UBR2: variants seen among roughly 807,000 people sequenced by gnomAD.
The protein encoded by UBR2 is E3 ubiquitin-protein ligase UBR2.
In UBR2, 92 loss-of-function variants were observed where a neutral mutation model predicts 247.9. That is an observed-to-expected ratio of 0.37 (90% CI 0.31 to 0.44). The LOEUF (loss-of-function observed/expected upper bound fraction) is 0.44, where lower values mean the gene tolerates loss of function less well. UBR2 is among the 20% of genes least tolerant of loss of function. UBR2 has a pLI of 1.00. For synonymous variants in UBR2, 672 were observed against 693.5 expected (o/e 0.97, Z 0.49); for missense variants, 1,613 against 2,112.6 (o/e 0.76, Z 4.64).
chr6:42,658,501 C>T (rs1279995247), intron 28 of UBR2, 145 bp from the exon 29 acceptor site: 5 of 1,093,410 alleles, frequency 4.6e-6, no homozygotes, highest in Non-Finnish European at 6.3e-6. Context: ...TAAAACAAGT[C>T]AGTTTAAGAG....
At chr6:42,682,118 T>A (rs556687124) in intron 42 of UBR2, among the ~76,000 whole-genome samples, 21 of 152,250 alleles carry the variant, frequency 1.4e-4, no homozygotes, top group African/African-American at 5.1e-4. Context: ...ACAACGTGGA[T>A]GAACCTTGAG....
intron 21 of UBR2, among the ~76,000 whole-genome samples, chr6:42,647,683 T>C (rs890675079): frequency 5.9e-5 from 9 of 152,276 alleles, no homozygotes; most frequent in Middle Eastern, 3.4e-3. Flanking sequence ...TAATATCTTA[T>C]CGTGAATGAG....
chr6:42,615,921 A>C (rs973657450), intron 9 of UBR2, 81 bp from the exon 10 acceptor site: 18 of 1,075,074 alleles, frequency 1.7e-5, no homozygotes, highest in Middle Eastern at 2.1e-4. Context: ...AACAAAAAAA[A>C]CCCACTGTGG....
intron 7 of UBR2, among the ~76,000 whole-genome samples, chr6:42,611,883 G>A (rs1420931788): frequency 6.7e-6 from 1 of 150,170 alleles, no homozygotes; most frequent in Non-Finnish European, 1.5e-5. Context: ...CTCCAGCCTG[G>A]GTGACAGAGC....
chr6:42,678,839 C>T (rs1040695637), intron 41 of UBR2, among the ~76,000 whole-genome samples, 170 bp downstream of exon 41: 6 of 152,114 alleles, frequency 3.9e-5, no homozygotes, highest in African/African-American at 1.4e-4. Flanking sequence ...CATATGTCTC[C>T]ATTTATTTGG....
Position 42,676,773 on chromosome 6 carries a change from T to C in UBR2, c.4388-10T>C. On this transcript the variant is annotated splice_polypyrimidine_tract_variant and intron_variant, in intron 39 of 46. Transcript: ENST00000372901. ...AAAATACAGAGTACTAGTATTTCCT[T>C]ATCTTTCAGAAGAGAATGGCATGGA... is the stretch of plus-strand genomic sequence containing the variant. 6.2e-7 allele frequency: 1 copy of C among 1,610,326 alleles called. No homozygotes were observed. The highest frequency in any genetic ancestry group is 8.5e-7 in the Non-Finnish European group (1 of 1,176,740).
chr6:42,646,578 T>A (rs1181513619), intron 21 of UBR2, among the ~76,000 whole-genome samples: 2 of 152,086 alleles, frequency 1.3e-5, no homozygotes, highest in Non-Finnish European at 2.9e-5. Context: ...GGGACATCTG[T>A]GAATGTTACT....
At chr6:42,675,397 G>A (rs1462369296) in intron 38 of UBR2, among the ~76,000 whole-genome samples, 1 of 152,144 alleles carries the variant, frequency 6.6e-6, no homozygotes, top group African/African-American at 2.4e-5. Flanking sequence ...GAGGAGGTAG[G>A]ATTCATATCT....
intron 7 of UBR2, among the ~76,000 whole-genome samples, chr6:42,610,186 A>C (rs1235711462): frequency 6.6e-6 from 1 of 152,124 alleles, no homozygotes; most frequent in African/African-American, 2.4e-5. Flanking sequence ...TAAGGGAAAA[A>C]AAGTGTTGGC....
intron 36 of UBR2, 46 bp from the exon 37 acceptor site, chr6:42,673,738 AAGAGAAC>A: frequency 1.5e-6 from 2 of 1,371,832 alleles, no homozygotes. Flanking sequence ...GCATTCCTGA[AAGAGAAC>A]TGCTTTGCAT....
chr6:42,618,972 A>T (rs1808993770), intron 11 of UBR2, among the ~76,000 whole-genome samples: 3 of 152,140 alleles, frequency 2.0e-5, no homozygotes, highest in African/African-American at 7.2e-5. Context: ...AGGGAAAGTG[A>T]TGCTTTTAGT....
Position 42,617,643 on chromosome 6 carries a change from C to G in UBR2, c.1281+136C>G, listed in dbSNP as rs369896905. On this transcript the variant is annotated intron_variant, in intron 11 of 46. Transcript: ENST00000372901. ...GGTAATCAGACTTCAAACACCTTCA[C>G]TATTCTTTTACTAGAATATAACCTT... The G allele has an allele frequency of 3.9e-6, 3 of 766,644 alleles. No homozygotes were observed. The East Asian group carries it at 8.2e-5, about 21-fold the overall frequency. 47.5% of individuals were successfully genotyped at this position (766,644 alleles called of 1,614,324 possible). A position where few individuals can be genotyped will look rare whatever the true frequency, so the allele number is the denominator to read the frequency against.
chr6:42,690,434 C>A lies in UBR2; in HGVS notation c.5127-598C>A, dbSNP rs559824595. ...TAGTGAGTGAGAGGATGGCTGTGCT[C>A]AGAAACAGGAGCAGAGGTGCCTGGC... On this transcript the variant is annotated intron_variant, in intron 46 of 46. Coordinates refer to ENST00000372901, the MANE Select transcript of UBR2 (RefSeq NM_001363705.2). Among the ~76,000 whole-genome samples the A allele has an allele frequency of 1.6e-4, 24 of 152,280 alleles. No homozygotes were observed. In the South Asian group the frequency reaches 3.5e-3, roughly 22 times the overall value.
intron 1 of UBR2, among the ~76,000 whole-genome samples, chr6:42,566,163 G>C (rs529654192): frequency 7.2e-5 from 11 of 152,040 alleles, no homozygotes; most frequent in African/African-American, 2.4e-4. Flanking sequence ...CATTCTAAAA[G>C]TGCAAACTAT....
chr6:42,671,045 C>T (rs796861949), intron 36 of UBR2, among the ~76,000 whole-genome samples: 13 of 152,086 alleles, frequency 8.5e-5, no homozygotes, highest in African/African-American at 2.9e-4. Context: ...ATTAGCCAGG[C>T]GTGGTGGCGC....
At chr6:42,611,319 A>G (rs1023303065) in intron 7 of UBR2, among the ~76,000 whole-genome samples, 1 of 151,644 alleles carries the variant, frequency 6.6e-6, no homozygotes, top group East Asian at 2.0e-4. Context: ...AAATTAGCCA[A>G]ACGTGGTGGC....
chr6:42,611,132 T>C (rs1208625033), intron 7 of UBR2, among the ~76,000 whole-genome samples: 3 of 144,526 alleles, frequency 2.1e-5, no homozygotes, highest in Non-Finnish European at 4.5e-5. Flanking sequence ...AGGTGTGAGC[T>C]ACCGTGCCCA....
At chr6:42,650,429 G>GT in intron 23 of UBR2, 43 bp downstream of exon 23, 1 of 1,531,960 alleles carries the variant, frequency 6.5e-7, no homozygotes, top group Non-Finnish European at 9.0e-7. Context: ...GGATTGCATT[G>GT]TTTTTCTTAA....
In UBR2 at chr6:42,650,468, C is replaced by T. The variant is rs1582645321; in HGVS notation, c.2565+82C>T. The T allele has an allele frequency of 2.4e-6, 3 of 1,232,834 alleles. No homozygotes were observed. In the East Asian group the frequency reaches 7.4e-5, roughly 31 times the overall value. The allele number at this position is 1,232,834 out of a possible 1,614,324, so 76.4% of individuals were successfully genotyped here. ...ATGAGGTTTCACCATGTTGCCCAGG[C>T]TAGAGTTTGGTGGCTATTCACAATG... is the stretch of plus-strand genomic sequence containing the variant. On this transcript the variant is annotated intron_variant, in intron 23 of 46. Coordinates refer to ENST00000372901, the MANE Select transcript of UBR2 (RefSeq NM_001363705.2).
Sources: allele counts gnomAD v4.1 joint callset (sites outside exome capture counted in the v4.1 genomes callset), GRCh38; gene constraint gnomAD v4.1.1; transcripts MANE v1.5; gene names NCBI Gene and HGNC (gene_info 2026-07-23, HGNC 2026-07-21).